Variants in CYRIB observed in about 807,000 individuals in gnomAD.
CYRIB encodes CYFIP related Rac1 interactor B.
Under a neutral mutation model 44.2 loss-of-function variants are expected in CYRIB, and 8 were observed. The observed-to-expected ratio is 0.18, with a 90% CI of 0.11 to 0.33. The LOEUF is 0.33. Among genes scored for constraint, CYRIB ranks in the 10% least tolerant of loss-of-function variants. CYRIB has a pLI of 1.00. For synonymous variants in CYRIB, 131 were observed against 127.2 expected (o/e 1.03, Z -0.20); for missense variants, 185 against 382.8 (o/e 0.48, Z 4.31).
chr8:129,888,646 C>T (rs891951681), intron 2 of CYRIB, among the ~76,000 whole-genome samples: 18 of 152,214 alleles, frequency 1.2e-4, no homozygotes, highest in Admixed American at 5.9e-4. Flanking sequence ...TTCGTACCAT[C>T]TAACACACAT....
chr8:129,907,732 T>C (rs2076156745), intron 1 of CYRIB, among the ~76,000 whole-genome samples: 1 of 152,252 alleles, frequency 6.6e-6, no homozygotes, highest in South Asian at 2.1e-4. Context: ...CCTGGTGCAG[T>C]GGCTCACGCC....
At chr8:129,899,239 C>G (rs184695082) in intron 2 of CYRIB, among the ~76,000 whole-genome samples, 1 of 152,124 alleles carries the variant, frequency 6.6e-6, no homozygotes, top group East Asian at 1.9e-4. Context: ...AAGAGATCCC[C>G]CTCAGTAAAT....
At chr8:129,959,211 T>C (rs1458764944) in intron 2 of CYRIB, among the ~76,000 whole-genome samples, 1 of 152,044 alleles carries the variant, frequency 6.6e-6, no homozygotes, top group African/African-American at 2.4e-5. Context: ...ATTTATTTTC[T>C]CTACCCCCAT....
chr8:129,873,333 T>C (rs1344901309), intron 3 of CYRIB, among the ~76,000 whole-genome samples: 4 of 152,018 alleles, frequency 2.6e-5, no homozygotes, highest in African/African-American at 7.2e-5. Context: ...TGGTTAGCTT[T>C]CTTATAGATC....
At chr8:130,011,713 G>T (rs1304834673) in intron 1 of CYRIB, among the ~76,000 whole-genome samples, 1 of 147,088 alleles carries the variant, frequency 6.8e-6, no homozygotes, top group Non-Finnish European at 1.5e-5. Flanking sequence ...GGTGCCTGTA[G>T]TCCCAGCTAC....
At chr8:130,010,873 C>G (rs1026129675) in intron 1 of CYRIB, among the ~76,000 whole-genome samples, 1 of 152,112 alleles carries the variant, frequency 6.6e-6, no homozygotes, top group Non-Finnish European at 1.5e-5. Flanking sequence ...CCAGAGGCAT[C>G]GCATCATGTG....
At chr8:129,851,292 A>G (rs531808526) in intron 8 of CYRIB, 1 of 200,444 alleles carries the variant, frequency 5.0e-6, no homozygotes, top group Admixed American at 5.9e-5. Flanking sequence ...TTTATGTTTT[A>G]AGATTACTTG....
chr8:129,976,834 G>GT (rs2095944684), intron 1 of CYRIB, among the ~76,000 whole-genome samples: 1 of 150,966 alleles, frequency 6.6e-6, no homozygotes, highest in Non-Finnish European at 1.5e-5. Context: ...GTTTTTTTTT[G>GT]TTTTTTGGGG....
intron 2 of CYRIB, among the ~76,000 whole-genome samples, chr8:129,900,652 T>C (rs2071117550): frequency 6.6e-6 from 1 of 152,206 alleles, no homozygotes; most frequent in African/African-American, 2.4e-5. Flanking sequence ...TCTTAAAATT[T>C]TGGTGTCTCA....
chr8:129,884,027 T>A (rs2061772521), intron 2 of CYRIB, among the ~76,000 whole-genome samples: 1 of 152,156 alleles, frequency 6.6e-6, no homozygotes, highest in South Asian at 2.1e-4. Context: ...TGGCAGTCTA[T>A]CACAAGAGAA....
chr8:129,989,801 C>A (rs1405230579), intron 1 of CYRIB, among the ~76,000 whole-genome samples: 7 of 130,496 alleles, frequency 5.4e-5, no homozygotes, highest in Non-Finnish European at 9.7e-5. Context: ...CCCCTCCCCC[C>A]ACCCCACGAC....
chr8:129,896,428 C>T (rs1368379036), intron 2 of CYRIB, among the ~76,000 whole-genome samples: 1 of 152,172 alleles, frequency 6.6e-6, no homozygotes, highest in African/African-American at 2.4e-5. Flanking sequence ...ACTGCTAAAA[C>T]ATTAAAGCTG....
chr8:129,902,969 T>C (rs1305603511), intron 2 of CYRIB: 1 of 152,494 alleles, frequency 6.6e-6, no homozygotes, highest in African/African-American at 2.4e-5. Context: ...AAAAAAAATA[T>C]ATATGTACAT....
At position 129,869,381 on chromosome 8, in the gene CYRIB, C is replaced by CAAAA. The variant is rs572134261; in HGVS notation, c.195+1990_195+1993dup. Among the ~76,000 whole-genome samples, 21 of 74,038 alleles carry CAAAA rather than the reference C, an allele frequency of 2.8e-4. 1 individual carries two copies. The East Asian group carries it at 3.0e-3, about 11-fold the overall frequency. The allele number at this position is 74,038 out of a possible 152,430, so 48.6% of individuals were successfully genotyped here. A position where few individuals can be genotyped will look rare whatever the true frequency, so the allele number is the denominator to read the frequency against. ...GGGTGACAAGAGTAAAACTCTGCCT[C>CAAAA]AAAAAAAAAAAAAAAAAAAAAAATC... On this transcript the variant is annotated intron_variant, in intron 4 of 11. Coordinates refer to ENST00000519824, the Ensembl canonical transcript of CYRIB.
At chr8:129,989,801 C>T (rs1405230579) in intron 1 of CYRIB, among the ~76,000 whole-genome samples, 9 of 130,492 alleles carry the variant, frequency 6.9e-5, no homozygotes, top group African/African-American at 2.6e-4. Context: ...CCCCTCCCCC[C>T]ACCCCACGAC....
chr8:129,955,514 C>T (rs940295816), intron 2 of CYRIB, among the ~76,000 whole-genome samples: 2 of 152,070 alleles, frequency 1.3e-5, no homozygotes, highest in African/African-American at 4.8e-5. Flanking sequence ...CTACAGACGT[C>T]GGAAATCTAT....
At chr8:129,896,449 C>A (rs953224195) in intron 2 of CYRIB, among the ~76,000 whole-genome samples, 1 of 152,176 alleles carries the variant, frequency 6.6e-6, no homozygotes, top group Admixed American at 6.5e-5. Context: ...GCCTGGACAG[C>A]AATGATATTT....
At chr8:129,921,945 G>T (rs1284546132) in intron 1 of CYRIB, among the ~76,000 whole-genome samples, 1 of 152,100 alleles carries the variant, frequency 6.6e-6, no homozygotes, top group African/African-American at 2.4e-5. Flanking sequence ...AGGCAATGAT[G>T]GATACAGAAG....
At chr8:129,864,910 A>G in intron 4 of CYRIB, 2 of 360,624 alleles carry the variant, frequency 5.5e-6, no homozygotes, top group Non-Finnish European at 1.1e-5. Flanking sequence ...AGATCACCAT[A>G]CCAGTCTATA....
Sources: gnomAD v4.1 joint callset for allele counts (sites outside exome capture counted in the v4.1 genomes callset) on GRCh38, gnomAD v4.1.1 for gene constraint, MANE v1.5 for transcripts, NCBI Gene and HGNC (gene_info 2026-07-23, HGNC 2026-07-21) for gene names.